TTC27: variants seen among roughly 807,000 people sequenced by gnomAD.
TTC27 encodes tetratricopeptide repeat protein 27.
TTC27 carries 79 observed loss-of-function variants against 115.9 expected under a neutral mutation model. That is an observed-to-expected ratio of 0.68 (90% CI 0.57 to 0.82). The LOEUF is 0.82. Among genes scored for constraint, TTC27 ranks in the 40% least tolerant of loss-of-function variants. TTC27 has a pLI of 0.00. For missense variants in TTC27, 1,054 were observed against 993.1 expected, an observed-to-expected ratio of 1.06 and a Z score of -0.82; for synonymous variants, 401 against 356.0, an observed-to-expected ratio of 1.13 and a Z score of -1.42.
intron 4 of TTC27, among the ~76,000 whole-genome samples, chr2:32,642,055 C>G (rs1306413891): frequency 6.6e-6 from 1 of 151,786 alleles, no homozygotes; most frequent in Admixed American, 6.6e-5. Flanking sequence ...TGGGATTTCT[C>G]CACATTGGTC....
chr2:32,726,268 C>T (rs951653007), intron 10 of TTC27, among the ~76,000 whole-genome samples: 4 of 152,236 alleles, frequency 2.6e-5, no homozygotes, highest in Non-Finnish European at 4.4e-5. Flanking sequence ...TCTTTTCTAT[C>T]GCATTGGCAG....
chr2:32,777,900 C>G lies in TTC27; in HGVS notation c.1699C>G (p.Leu567Val), dbSNP rs745652727. The change falls in exon 14 of 20, where the codon CTC becomes GTC. Residue 567 changes from leucine to valine, a missense_variant. By Grantham distance (32) the Leu-to-Val change is conservative. Transcript: ENST00000317907. ...TTTGCAGCTCGGGGTGTGGTTTTCTCTCGGTTGTGCCTATTTGGCCTTGGA... is the reference window on the plus strand; with the variant it reads ...TTTGCAGCTCGGGGTGTGGTTTTCTGTCGGTTGTGCCTATTTGGCCTTGGA... ...NPMQLGVWFSLGCAYLALEDY... is the reference protein window; with the variant it reads ...NPMQLGVWFSVGCAYLALEDY... 2.5e-6 allele frequency: 4 copies of G among 1,613,850 alleles called. No individual in the cohort carries two copies. The highest frequency in any genetic ancestry group is 3.3e-5 in the Admixed American group (2 of 59,990).
chr2:32,657,512 C>T (rs1267700188), intron 5 of TTC27, among the ~76,000 whole-genome samples: 1 of 152,002 alleles, frequency 6.6e-6, no homozygotes, highest in Non-Finnish European at 1.5e-5. Context: ...TGCCACCATG[C>T]CTGGCTAATT....
At chr2:32,797,581 C>G (rs1670751982) in intron 16 of TTC27, among the ~76,000 whole-genome samples, 1 of 152,114 alleles carries the variant, frequency 6.6e-6, no homozygotes, top group Non-Finnish European at 1.5e-5. Flanking sequence ...AAGTTGGACC[C>G]TTACCTAACA....
At chr2:32,703,991 G>A (rs1667278004) in intron 10 of TTC27, among the ~76,000 whole-genome samples, 1 of 152,226 alleles carries the variant, frequency 6.6e-6, no homozygotes, top group Non-Finnish European at 1.5e-5. Context: ...TCATACGACA[G>A]AAGAGTGGAA....
chr2:32,779,048 A>C (rs937419030), intron 14 of TTC27, among the ~76,000 whole-genome samples: 1 of 152,112 alleles, frequency 6.6e-6, no homozygotes, highest in African/African-American at 2.4e-5. Context: ...ACATGGTAAA[A>C]CCCCATGTCT....
In TTC27 at chr2:32,636,023, T is replaced by C. The variant is rs1383542106; in HGVS notation, c.396+2018T>C. 2.6e-5 allele frequency among the ~76,000 whole-genome samples: 4 copies of C among 152,196 alleles called. No homozygotes were observed. In the East Asian group the frequency reaches 7.7e-4, roughly 29 times the overall value. On this transcript the variant is annotated intron_variant, in intron 3 of 19. Coordinates refer to ENST00000317907, the MANE Select transcript of TTC27 (RefSeq NM_017735.5). ...AAAAACCCCAAACCCTAAATGATTG[T>C]AGCAGTTAAAGAGATAAGCTTCAGT...
At chr2:32,694,812 A>T (rs1666930018) in intron 9 of TTC27, among the ~76,000 whole-genome samples, 2 of 151,646 alleles carry the variant, frequency 1.3e-5, no homozygotes, top group African/African-American at 4.8e-5. Flanking sequence ...AGCTGGTACC[A>T]GAGGTGTGCA....
chr2:32,694,354 A>G lies in TTC27; in HGVS notation c.1120-8453A>G, dbSNP rs180676781. On this transcript the variant is annotated intron_variant, in intron 9 of 19. Transcript: ENST00000317907. ...GTGCTAAAATAACCCAGCTTTTGGG[A>G]AAAAAATTCTGAAATTTGGGAGCGT... Among the ~76,000 whole-genome samples the G allele has an allele frequency of 9.3e-3, 1,418 of 152,286 alleles. 11 individuals carry two copies. The highest frequency in any genetic ancestry group is 0.024 in the Middle Eastern group (7 of 294).
In TTC27 at chr2:32,636,351, C is replaced by T. The variant is rs527442545; in HGVS notation, c.396+2346C>T. On this transcript the variant is annotated intron_variant, in intron 3 of 19. Transcript: ENST00000317907. The stretch of plus-strand genomic sequence containing the variant: ...ACCTCAGCCTCCCAAGCAGCTGGGA[C>T]TACAGGTGCTCACCACCACGCCCGG... Among the ~76,000 whole-genome samples, 170 of 152,262 alleles carry T rather than the reference C, an allele frequency of 1.1e-3. 3 individuals are homozygous for T. The highest frequency in any genetic ancestry group is 2.1e-3 in the Non-Finnish European group (144 of 68,016).
intron 10 of TTC27, among the ~76,000 whole-genome samples, chr2:32,706,374 C>T (rs1331638807): frequency 2.6e-5 from 4 of 151,894 alleles, no homozygotes; most frequent in Admixed American, 2.0e-4. Flanking sequence ...TGAGTCACTG[C>T]GCCTGGCCTA....
intron 16 of TTC27, among the ~76,000 whole-genome samples, chr2:32,794,956 A>C (rs982791777): frequency 6.6e-6 from 1 of 152,176 alleles, no homozygotes; most frequent in African/African-American, 2.4e-5. Context: ...AAAATCTCCC[A>C]ACAAAGAAAA....
At position 32,729,178 on chromosome 2, in the gene TTC27, G is replaced by A. The variant is rs116098760; in HGVS notation, c.1234-4650G>A. Among the ~76,000 whole-genome samples, 1,143 of 152,298 alleles carry A rather than the reference G, an allele frequency of 7.5e-3. 19 individuals are homozygous for A. The highest frequency in any genetic ancestry group is 0.026 in the African/African-American group (1,088 of 41,536). On this transcript the variant is annotated intron_variant, in intron 10 of 19. Transcript: ENST00000317907. ...ATGGATAGCTTTCAGGAAAAGGGTA[G>A]GTCCTTTGGGACTATCTCTATTCTT...
At chr2:32,648,301 G>A (rs779323380) in intron 4 of TTC27, among the ~76,000 whole-genome samples, 8 of 151,618 alleles carry the variant, frequency 5.3e-5, no homozygotes, top group Admixed American at 2.0e-4. Context: ...CTAATTTTTC[G>A]TATTTTTAGT....
intron 16 of TTC27, among the ~76,000 whole-genome samples, chr2:32,802,555 T>TA (rs1324344730): frequency 6.6e-6 from 1 of 152,214 alleles, no homozygotes; most frequent in Non-Finnish European, 1.5e-5. Context: ...CTAGTCCACT[T>TA]AGAGTGCTGT....
At chr2:32,728,837 T>A (rs1257283731) in intron 10 of TTC27, among the ~76,000 whole-genome samples, 2 of 152,208 alleles carry the variant, frequency 1.3e-5, no homozygotes, top group Non-Finnish European at 2.9e-5. Flanking sequence ...CCTGTTCCCA[T>A]TGGCAATTTT....
At chr2:32,672,237 T>C in intron 7 of TTC27, 35 bp from the exon 8 acceptor site, 1 of 1,509,462 alleles carries the variant, frequency 6.6e-7, no homozygotes. Context: ...AAAATTTAAT[T>C]TTTGGTCTAA....
chr2:32,818,565 G>A (rs1369244303), intron 19 of TTC27, among the ~76,000 whole-genome samples: 2 of 152,178 alleles, frequency 1.3e-5, no homozygotes, highest in East Asian at 1.9e-4. Context: ...TCAGGTCTGG[G>A]ATGGACCCAG....
intron 16 of TTC27, among the ~76,000 whole-genome samples, chr2:32,793,236 G>A (rs1412798527): frequency 1.3e-5 from 2 of 152,062 alleles, no homozygotes; most frequent in African/African-American, 4.8e-5. Flanking sequence ...AGCAGGCAGT[G>A]GACTGATATA....
Sources: gnomAD v4.1 joint callset for allele counts (sites outside exome capture counted in the v4.1 genomes callset) on GRCh38, gnomAD v4.1.1 for gene constraint, MANE v1.5 for transcripts, NCBI Gene and HGNC (gene_info 2026-07-23, HGNC 2026-07-21) for gene names.